The following SGCD variants were observed in gnomAD, a reference collection of about 807,000 sequenced individuals.
The protein encoded by SGCD is delta-sarcoglycan.
Under a neutral mutation model 36.6 loss-of-function variants are expected in SGCD, and 18 were observed. The observed-to-expected ratio is 0.49, with a 90% CI of 0.34 to 0.73. The LOEUF (loss-of-function observed/expected upper bound fraction) is 0.73. SGCD is among the 30% of genes least tolerant of loss of function. The probability of loss-of-function intolerance (pLI) is 0.01; values close to 1 mark genes in which losing one functional copy is unlikely to be tolerated. For synonymous variants in SGCD, 133 were observed against 130.6 expected (o/e 1.02, Z -0.12); for missense variants, 387 against 346.7 (o/e 1.12, Z -0.92).
intron 1 of SGCD, among the ~76,000 whole-genome samples, chr5:156,091,673 G>A (rs1271237080): frequency 6.6e-6 from 1 of 152,208 alleles, no homozygotes; most frequent in Non-Finnish European, 1.5e-5. Context: ...TGGAAACAGT[G>A]TAACAGGGTT....
the SGCD span, among the ~76,000 whole-genome samples, chr5:155,753,009 T>C: frequency 2.6e-5 from 4 of 152,142 alleles, no homozygotes; most frequent in African/African-American, 9.7e-5. Flanking sequence ...TAAAGAGTAG[T>C]GAGTGCTCAG....
intron 1 of SGCD, among the ~76,000 whole-genome samples, chr5:155,947,415 TA>T (rs1446185846): frequency 6.6e-6 from 1 of 151,794 alleles, no homozygotes; most frequent in East Asian, 1.9e-4. Context: ...ACAGTTTTCC[TA>T]AAAAAAGATG....
At chr5:156,114,257 G>GAT (rs1286878462) in intron 1 of SGCD, among the ~76,000 whole-genome samples, 1 of 152,014 alleles carries the variant, frequency 6.6e-6, no homozygotes, top group Non-Finnish European at 1.5e-5. Flanking sequence ...GAGCACAAGG[G>GAT]ATATATATGC....
At chr5:156,380,266 C>A (rs1463955552) in intron 3 of SGCD, among the ~76,000 whole-genome samples, 1 of 152,280 alleles carries the variant, frequency 6.6e-6, no homozygotes, top group African/African-American at 2.4e-5. Context: ...TACTGCACAC[C>A]TTACCAAAGC....
chr5:155,966,145 G>A (rs375899262), intron 1 of SGCD, among the ~76,000 whole-genome samples: 9 of 152,028 alleles, frequency 5.9e-5, no homozygotes, highest in South Asian at 2.1e-4. Context: ...GAAATCCCAC[G>A]TTCTTTACAC....
rs144388733 is a variant in SGCD at position 156,618,334 on chromosome 5, T to C, written c.502+23283T>C. Among the ~76,000 whole-genome samples, 253 of 152,312 alleles carry C rather than the reference T, an allele frequency of 1.7e-3. 1 individual carries two copies. The highest frequency in any genetic ancestry group is 5.8e-3 in the African/African-American group (241 of 41,566). ...TGTTTAGAAAGAATTGCTGGTTGTC[T>C]AGTTCTTCTGTGGCACCTCATTTAA... is the stretch of plus-strand genomic sequence containing the variant. On this transcript the variant is annotated intron_variant, in intron 6 of 8. Coordinates refer to ENST00000337851, the MANE Select transcript of SGCD (RefSeq NM_000337.6).
chr5:155,785,475 G>A, the SGCD span, among the ~76,000 whole-genome samples: 14 of 151,962 alleles, frequency 9.2e-5, no homozygotes, highest in Non-Finnish European at 1.6e-4. Context: ...TATTGTTCAC[G>A]ATAGTCACCA....
intron 1 of SGCD, among the ~76,000 whole-genome samples, chr5:155,897,739 C>T (rs897564575): frequency 2.6e-5 from 4 of 151,932 alleles, no homozygotes; most frequent in African/African-American, 9.7e-5. Context: ...TATTGGCCTA[C>T]ACAGGATCAA....
the SGCD span, among the ~76,000 whole-genome samples, chr5:155,773,889 G>A: frequency 6.6e-6 from 1 of 152,164 alleles, no homozygotes. Flanking sequence ...AGCACAGGAT[G>A]TGGGTGGAGA....
At chr5:156,201,717 C>A (rs1282624914) in intron 3 of SGCD, among the ~76,000 whole-genome samples, 1 of 139,364 alleles carries the variant, frequency 7.2e-6, no homozygotes, top group Non-Finnish European at 1.6e-5. Context: ...CCCATAATTC[C>A]CTAGTTTTTT....
At chr5:156,093,232 G>T (rs1761288356) in intron 1 of SGCD, among the ~76,000 whole-genome samples, 1 of 152,142 alleles carries the variant, frequency 6.6e-6, no homozygotes, top group African/African-American at 2.4e-5. Context: ...GTCATGTGCT[G>T]GTTTCTCAGA....
the SGCD span, among the ~76,000 whole-genome samples, chr5:155,797,813 GA>G: frequency 6.6e-6 from 1 of 152,212 alleles, no homozygotes. Flanking sequence ...CTCCTTGAGA[GA>G]GGATAAACCA....
chr5:156,178,681 T>G (rs1384031292), intron 3 of SGCD, among the ~76,000 whole-genome samples: 1 of 152,156 alleles, frequency 6.6e-6, no homozygotes, highest in Non-Finnish European at 1.5e-5. Context: ...GTTCAAGCAA[T>G]TCTCCTGCCT....
intron 5 of SGCD, 137 bp from the exon 6 acceptor site, chr5:156,594,795 T>C (rs933475127): frequency 1.5e-5 from 9 of 607,056 alleles, no homozygotes; most frequent in East Asian, 1.1e-4. Context: ...CACTGAACAT[T>C]GAAGTCTCAT....
the SGCD span, among the ~76,000 whole-genome samples, chr5:155,750,923 C>T: frequency 6.6e-6 from 1 of 152,158 alleles, no homozygotes; most frequent in African/African-American, 2.4e-5. Context: ...GGATTGGTGA[C>T]TCCTGGGGCA....
intron 1 of SGCD, among the ~76,000 whole-genome samples, chr5:155,989,278 A>G (rs1290264407): frequency 6.6e-6 from 1 of 152,188 alleles, no homozygotes; most frequent in Non-Finnish European, 1.5e-5. Flanking sequence ...GACAATATGT[A>G]TATGTTTTAT....
chr5:155,742,879 A>T, the SGCD span, among the ~76,000 whole-genome samples: 1 of 152,178 alleles, frequency 6.6e-6, no homozygotes, highest in Non-Finnish European at 1.5e-5. Flanking sequence ...GATTTCATTA[A>T]TTTGCTAAAG....
intron 7 of SGCD, among the ~76,000 whole-genome samples, chr5:156,658,673 A>C (rs1763786037): frequency 1.4e-5 from 1 of 70,156 alleles, no homozygotes; most frequent in South Asian, 5.5e-4. Context: ...TTTTCCCCAC[A>C]TTTCCCCCTT....
chr5:155,736,230 A>C, the SGCD span, among the ~76,000 whole-genome samples: 132 of 152,306 alleles, frequency 8.7e-4, no homozygotes, highest in Middle Eastern at 6.8e-3. Flanking sequence ...AAAACATTAT[A>C]ATCAGAGCTG....
Sources: allele counts gnomAD v4.1 joint callset (sites outside exome capture counted in the v4.1 genomes callset), GRCh38; gene constraint gnomAD v4.1.1; transcripts MANE v1.5; gene names NCBI Gene and HGNC (gene_info 2026-07-23, HGNC 2026-07-21).